The following LRRFIP2 variants were observed in gnomAD, a reference collection of about 807,000 sequenced individuals.
LRRFIP2 encodes LRR binding FLII interacting protein 2.
In LRRFIP2, 109 loss-of-function variants were observed where a neutral mutation model predicts 125.9. The observed-to-expected ratio is 0.87, with a 90% confidence interval of 0.74 to 1.01. The LOEUF (loss-of-function observed/expected upper bound fraction) is 1.01, where lower values mean the gene tolerates loss of function less well. LRRFIP2 is among the 50% of genes least tolerant of loss of function. The probability of loss-of-function intolerance (pLI) is 0.00; values close to 1 mark genes in which losing one functional copy is unlikely to be tolerated. For synonymous variants in LRRFIP2, 291 were observed against 293.1 expected, an observed-to-expected ratio of 0.99 and a Z score of 0.07; for missense variants, 850 against 862.3, an observed-to-expected ratio of 0.99 and a Z score of 0.18.
chr3:37,065,752 AG>A (rs1347151346), intron 23 of LRRFIP2, 57 bp downstream of exon 23: 15 of 1,611,440 alleles, frequency 9.3e-6, no homozygotes, highest in Non-Finnish European at 1.3e-5. Flanking sequence ...GATATGAAAA[AG>A]CAGAAAACCC....
intron 1 of LRRFIP2, among the ~76,000 whole-genome samples, chr3:37,156,140 G>A (rs2096183299): frequency 6.6e-6 from 1 of 152,034 alleles, no homozygotes; most frequent in African/African-American, 2.4e-5. Context: ...TTCCCAAAGT[G>A]CTAGGATTAC....
intron 6 of LRRFIP2, among the ~76,000 whole-genome samples, chr3:37,120,131 G>C (rs1298173146): frequency 7.0e-6 from 1 of 143,812 alleles, no homozygotes; most frequent in Non-Finnish European, 1.5e-5. Context: ...TTTTGAGATG[G>C]AGTTTTGCTC....
At chr3:37,055,255 C>T in intron 25 of LRRFIP2, 90 bp from the exon 26 acceptor site, 1 of 737,210 alleles carries the variant, frequency 1.4e-6, no homozygotes, top group South Asian at 1.9e-5. Flanking sequence ...CAGAGAGGAC[C>T]ATGCAGTCTT....
intron 6 of LRRFIP2, among the ~76,000 whole-genome samples, chr3:37,115,467 C>A (rs2094738130): frequency 6.6e-6 from 1 of 152,124 alleles, no homozygotes; most frequent in Non-Finnish European, 1.5e-5. Flanking sequence ...AAATTATTAT[C>A]ACTTTTAACA....
At chr3:37,117,669 T>A (rs1393439378) in intron 6 of LRRFIP2, among the ~76,000 whole-genome samples, 1 of 152,184 alleles carries the variant, frequency 6.6e-6, no homozygotes, top group East Asian at 1.9e-4. Flanking sequence ...CAAACTTGCC[T>A]GAAAGTTTTC....
chr3:37,098,074 T>A (rs780125107), intron 15 of LRRFIP2, among the ~76,000 whole-genome samples: 19 of 149,800 alleles, frequency 1.3e-4, no homozygotes, highest in Non-Finnish European at 2.4e-4. Context: ...TTTTTAGTGT[T>A]CTTTTTATTA....
chr3:37,106,477 G>A (rs958440288), intron 13 of LRRFIP2, among the ~76,000 whole-genome samples: 6 of 152,042 alleles, frequency 3.9e-5, no homozygotes, highest in Middle Eastern at 3.2e-3. Context: ...AATGAAATAC[G>A]ATCTAGCCAG....
rs1374463492 is a variant in LRRFIP2 at position 37,148,932 on chromosome 3, A to G, written c.52T>C (p.Ser18Pro). The change falls in exon 2 of 28, where the codon TCT (serine) becomes CCT (proline). Residue 18 changes from serine to proline, a missense_variant. Transcript: ENST00000336686. ...RKRTPVKDRF[S>P]AEDEALSNIA... is the part of the protein sequence containing the mutation. ...TTACTCAAAGCTTCATCTTCTGCAG[A>G]AAATCGGTCTTTCACAGGTGTTCTT... 6.2e-7 allele frequency: 1 copy of G among 1,614,136 alleles called. No homozygotes were observed. The highest frequency in any genetic ancestry group is 1.1e-5 in the South Asian group (1 of 91,086).
rs1284636581 is a variant in LRRFIP2, at chr3:37,052,917, C to T, written c.*934G>A. On this transcript the variant is annotated 3_prime_UTR_variant, in exon 28 of 28. Transcript: ENST00000336686. ...AGTTCTACATTCCAGATTGTTTTTC[C>T]TTGAGAAGGAGACAAAAGAAGAGGG... is the stretch of plus-strand genomic sequence containing the variant. 1 of 152,120 alleles carries T rather than the reference C, an allele frequency of 6.6e-6. No homozygotes were observed. Among genetic ancestry groups the T allele is most frequent in the Non-Finnish European group, 1.5e-5 (1 of 68,016 alleles). The allele number at this position is 152,120 out of a possible 1,614,324, so 9.4% of individuals were successfully genotyped here. A position where few individuals can be genotyped will look rare whatever the true frequency, so the allele number is the denominator to read the frequency against.
Position 37,053,778 on chromosome 3 carries a change from G to C in LRRFIP2, c.*73C>G. On this transcript the variant is annotated 3_prime_UTR_variant, in exon 28 of 28. Coordinates refer to ENST00000336686, the MANE Select transcript of LRRFIP2 (RefSeq NM_006309.4). Reference sequence around the variant, plus strand: ...CTCAAAACAGTACTAAAAGGGGTTTGTGTCAATGGACAAAAGTCAGTCCCT... The same window carrying C: ...CTCAAAACAGTACTAAAAGGGGTTTCTGTCAATGGACAAAAGTCAGTCCCT... 2.2e-6 allele frequency: 2 copies of C among 925,348 alleles called. No individual in the cohort carries two copies. The highest frequency in any genetic ancestry group is 3.6e-6 in the Non-Finnish European group (2 of 557,642). The allele number at this position is 925,348 out of a possible 1,614,324, so 57.3% of individuals were successfully genotyped here.
intron 2 of LRRFIP2, among the ~76,000 whole-genome samples, chr3:37,146,919 T>C (rs1259876193): frequency 1.3e-5 from 2 of 151,480 alleles, no homozygotes; most frequent in African/African-American, 4.9e-5. Flanking sequence ...ATCATCAGAG[T>C]GAACAGACAA....
At chr3:37,132,881 T>C (rs2095463718) in intron 2 of LRRFIP2, among the ~76,000 whole-genome samples, 1 of 152,154 alleles carries the variant, frequency 6.6e-6, no homozygotes, top group Non-Finnish European at 1.5e-5. Flanking sequence ...ACCTCATACA[T>C]ACAAAATAAA....
intron 6 of LRRFIP2, among the ~76,000 whole-genome samples, chr3:37,118,134 T>C (rs2094877220): frequency 6.6e-6 from 1 of 152,112 alleles, no homozygotes. Context: ...CAATCAACGC[T>C]CACTGCAGCC....
At chr3:37,137,815 C>A (rs1032745519) in intron 2 of LRRFIP2, among the ~76,000 whole-genome samples, 2 of 152,158 alleles carry the variant, frequency 1.3e-5, no homozygotes, top group Admixed American at 1.3e-4. Context: ...TCTCATTTTC[C>A]CCCAGTCAAC....
chr3:37,094,202 C>T (rs768190230), intron 17 of LRRFIP2, among the ~76,000 whole-genome samples: 18 of 152,200 alleles, frequency 1.2e-4, no homozygotes, highest in Non-Finnish European at 2.1e-4. Context: ...TGCAATTTCT[C>T]TCACTATCCC....
chr3:37,127,641 G>C lies in LRRFIP2; in HGVS notation c.217C>G (p.Gln73Glu), dbSNP rs771408635. The C allele has an allele frequency of 6.2e-7, 1 of 1,613,870 alleles. No homozygotes were observed. The highest frequency in any genetic ancestry group is 8.5e-7 in the Non-Finnish European group (1 of 1,179,862). ...HSFDRKWGQI[Q>E]KWLEDSERAR... Reference sequence around the variant, plus strand: ...CAATACTGGCCTACCAGCCACTTCTGAATCTGTCCCCACTTCCGATCAAAG... The same window carrying C: ...CAATACTGGCCTACCAGCCACTTCTCAATCTGTCCCCACTTCCGATCAAAG... The change falls in exon 4 of 28, where the codon CAG becomes GAG. Residue 73 changes from glutamine (Q) to glutamate (E), a missense_variant. Gln to Glu is a conservative substitution (Grantham distance 29). Transcript: ENST00000336686.
chr3:37,123,980 T>C (rs2095173688), intron 4 of LRRFIP2, among the ~76,000 whole-genome samples: 1 of 152,144 alleles, frequency 6.6e-6, no homozygotes, highest in Middle Eastern at 3.2e-3. Flanking sequence ...ATTTGAAAAA[T>C]TGGCCTAAAA....
intron 18 of LRRFIP2, among the ~76,000 whole-genome samples, chr3:37,085,375 GC>G (rs2149082980): frequency 6.6e-6 from 1 of 151,680 alleles, no homozygotes; most frequent in Admixed American, 6.6e-5. Context: ...ACAAAAATTA[GC>G]CGGGCATGGT....
intron 24 of LRRFIP2, 109 bp from the exon 25 acceptor site, chr3:37,059,019 C>T (rs1217145601): frequency 5.1e-6 from 7 of 1,383,028 alleles, no homozygotes; most frequent in Non-Finnish European, 7.0e-6. Context: ...GTATCAGCCA[C>T]ATTCATTCAA....
Sources: allele counts gnomAD v4.1 joint callset (sites outside exome capture counted in the v4.1 genomes callset), GRCh38; gene constraint gnomAD v4.1.1; transcripts MANE v1.5; gene names NCBI Gene and HGNC (gene_info 2026-07-23, HGNC 2026-07-21).